CDK14: variants seen among roughly 807,000 people sequenced by gnomAD.
CDK14 encodes cyclin-dependent kinase 14.
Under a neutral mutation model 60.7 loss-of-function variants are expected in CDK14, and 34 were observed. The observed-to-expected ratio is 0.56, with a 90% CI of 0.43 to 0.75. The LOEUF is 0.75. Among genes scored for constraint, CDK14 ranks in the 30% least tolerant of loss-of-function variants. The probability of loss-of-function intolerance (pLI) is 0.00; values close to 1 mark genes in which losing one functional copy is unlikely to be tolerated. For synonymous variants in CDK14, 197 were observed against 203.7 expected (o/e 0.97, Z 0.28); for missense variants, 482 against 564.1 (o/e 0.85, Z 1.47).
chr7:90,917,540 G>A (rs1373023355), intron 7 of CDK14, 61 bp from the exon 8 acceptor site: 9 of 1,555,532 alleles, frequency 5.8e-6, no homozygotes, highest in Admixed American at 5.1e-5. Flanking sequence ...TTAGCAGACT[G>A]TATGTAGAAA....
intron 5 of CDK14, among the ~76,000 whole-genome samples, chr7:90,795,693 C>G (rs963831604): frequency 2.0e-5 from 3 of 151,996 alleles, no homozygotes; most frequent in African/African-American, 7.2e-5. Context: ...TTTAATTATA[C>G]AGTAGACCCT....
intron 6 of CDK14, among the ~76,000 whole-genome samples, chr7:90,883,321 C>T (rs550426423): frequency 3.4e-4 from 52 of 152,300 alleles, no homozygotes; most frequent in Non-Finnish European, 4.7e-4. Flanking sequence ...ATAAACACCT[C>T]TACGCAAATA....
At chr7:90,870,101 A>G (rs1468111514) in intron 6 of CDK14, among the ~76,000 whole-genome samples, 1 of 152,210 alleles carries the variant, frequency 6.6e-6, no homozygotes, top group East Asian at 1.9e-4. Context: ...GTCAAGATTC[A>G]TAAAATACCA....
intron 9 of CDK14, among the ~76,000 whole-genome samples, chr7:90,971,818 A>C (rs982111752): frequency 2.0e-5 from 3 of 152,146 alleles, no homozygotes; most frequent in Non-Finnish European, 4.4e-5. Context: ...TTGGAACATA[A>C]GGAACATTTA....
chr7:91,039,987 T>A (rs1409252580), intron 10 of CDK14, among the ~76,000 whole-genome samples: 1 of 152,118 alleles, frequency 6.6e-6, no homozygotes, highest in Non-Finnish European at 1.5e-5. Context: ...CTCGAGAGGC[T>A]GAGATGGGAG....
intron 6 of CDK14, among the ~76,000 whole-genome samples, chr7:90,876,395 G>T (rs1482793095): frequency 6.6e-6 from 1 of 152,090 alleles, no homozygotes; most frequent in Non-Finnish European, 1.5e-5. Context: ...GGTTTAAGAG[G>T]GGCAGTTATC....
chr7:90,695,143 A>G (rs551372524), intron 2 of CDK14, among the ~76,000 whole-genome samples: 41 of 152,182 alleles, frequency 2.7e-4, no homozygotes, highest in South Asian at 1.5e-3. Context: ...TCTACACTTC[A>G]TCTTTCACCT....
At chr7:90,711,120 C>T (rs896260585) in intron 2 of CDK14, among the ~76,000 whole-genome samples, 1 of 152,016 alleles carries the variant, frequency 6.6e-6, no homozygotes, top group East Asian at 1.9e-4. Context: ...TTATACAGAA[C>T]TGGCATGTAG....
At chr7:90,621,771 T>C (rs1318859095) in intron 2 of CDK14, among the ~76,000 whole-genome samples, 1 of 152,146 alleles carries the variant, frequency 6.6e-6, no homozygotes, top group Non-Finnish European at 1.5e-5. Context: ...GTTTTTTCTG[T>C]ATGGACCTTA....
intron 2 of CDK14, among the ~76,000 whole-genome samples, chr7:90,628,963 G>A (rs868527798): frequency 1.4e-4 from 21 of 151,890 alleles, no homozygotes; most frequent in Middle Eastern, 3.4e-3. Context: ...CAGAGACCAC[G>A]TAGAGATCTA....
chr7:91,097,287 A>C (rs1436333298), intron 12 of CDK14, among the ~76,000 whole-genome samples: 1 of 152,040 alleles, frequency 6.6e-6, no homozygotes, highest in Non-Finnish European at 1.5e-5. Context: ...AGGCTGAGGC[A>C]GGACAGTTGC....
intron 11 of CDK14, among the ~76,000 whole-genome samples, chr7:91,073,174 A>G (rs1448244124): frequency 6.6e-6 from 1 of 151,754 alleles, no homozygotes; most frequent in Non-Finnish European, 1.5e-5. Flanking sequence ...AGAGAACACC[A>G]TAAAGATACC....
At chr7:90,924,907 G>A (rs1267995065) in intron 8 of CDK14, among the ~76,000 whole-genome samples, 1 of 151,856 alleles carries the variant, frequency 6.6e-6, no homozygotes, top group Non-Finnish European at 1.5e-5. Flanking sequence ...TTCTTCTGTG[G>A]TAATAGATAA....
intron 2 of CDK14, among the ~76,000 whole-genome samples, chr7:90,670,132 T>C (rs2116529727): frequency 6.6e-6 from 1 of 152,364 alleles, no homozygotes. Context: ...CTACTAGTTA[T>C]GCAGAGGCTG....
chr7:91,040,716 T>C lies in CDK14; in HGVS notation c.1042-5181T>C, dbSNP rs77530771. Among the ~76,000 whole-genome samples the C allele has an allele frequency of 2.9e-3, 449 of 152,234 alleles. 2 individuals are homozygous for C. The highest frequency in any genetic ancestry group is 0.01 in the African/African-American group (423 of 41,542). On this transcript the variant is annotated intron_variant, in intron 10 of 14. Coordinates refer to ENST00000380050, the MANE Select transcript of CDK14 (RefSeq NM_001287135.2). ...CCAGAATTCCTCTGTGCTGTAGTCT[T>C]TGTTAGAGACCTCTCGGTCCCCTTG...
At chr7:90,843,041 C>T (rs1790350054) in intron 5 of CDK14, among the ~76,000 whole-genome samples, 1 of 152,116 alleles carries the variant, frequency 6.6e-6, no homozygotes, top group Non-Finnish European at 1.5e-5. Flanking sequence ...AAGAAATGTT[C>T]TTCTGTTAAT....
chr7:91,119,918 C>G (rs948635952), intron 14 of CDK14, among the ~76,000 whole-genome samples: 1 of 152,176 alleles, frequency 6.6e-6, no homozygotes, highest in African/African-American at 2.4e-5. Flanking sequence ...TACTCCCACT[C>G]TGAATTTCAA....
chr7:90,958,602 T>C (rs1418176706), intron 9 of CDK14, among the ~76,000 whole-genome samples: 1 of 152,118 alleles, frequency 6.6e-6, no homozygotes, highest in East Asian at 1.9e-4. Flanking sequence ...ACATAATTAG[T>C]GTAATGGCAG....
chr7:90,812,402 G>A (rs1789163437), intron 5 of CDK14, among the ~76,000 whole-genome samples: 2 of 151,996 alleles, frequency 1.3e-5, no homozygotes, highest in Non-Finnish European at 2.9e-5. Flanking sequence ...TCACTCATAG[G>A]TGGTAATTGA....
Sources: gnomAD v4.1 joint callset for allele counts (sites outside exome capture counted in the v4.1 genomes callset) on GRCh38, gnomAD v4.1.1 for gene constraint, MANE v1.5 for transcripts, NCBI Gene and HGNC (gene_info 2026-07-23, HGNC 2026-07-21) for gene names.